The following NGFR variants were observed in gnomAD, a reference collection of about 807,000 sequenced individuals.
NGFR encodes nerve growth factor receptor.
Under a neutral mutation model 43.2 loss-of-function variants are expected in NGFR, and 30 were observed. That is an observed-to-expected ratio of 0.69 (90% CI 0.52 to 0.94). The LOEUF (loss-of-function observed/expected upper bound fraction) is 0.94, where lower values mean the gene tolerates loss of function less well. NGFR is among the 40% of genes least tolerant of loss of function. The pLI is 0.00. For synonymous variants in NGFR, 246 were observed against 259.6 expected (o/e 0.95, Z 0.50); for missense variants, 529 against 602.5 (o/e 0.88, Z 1.28).
intron 2 of NGFR, 122 bp downstream of exon 2, chr17:49,502,326 T>G (rs903073334): frequency 9.1e-7 from 1 of 1,096,540 alleles, no homozygotes; most frequent in South Asian, 2.0e-5. Context: ...CACTGTAAGG[T>G]CATCAGAAGT....
At chr17:49,506,755 G>C (rs1239401750) in intron 3 of NGFR, 97 bp downstream of exon 3, 1 of 1,210,432 alleles carries the variant, frequency 8.3e-7, no homozygotes, top group Non-Finnish European at 1.1e-6. Flanking sequence ...GACCCTGCCT[G>C]GCCTGCTGGG....
rs1200832478 is a variant in NGFR, at chr17:49,495,438, C to A, written c.21C>A (p.Gly7=). The stretch of plus-strand genomic sequence containing the variant: ...GGGCGATGGGGGCAGGTGCCACCGG[C>A]CGCGCCATGGACGGGCCGCGCCTGC... MGAGAT[G]RAMDGPRLLL... The change falls in exon 1 of 6, where the codon GGC becomes GGA. Residue 7 remains glycine (G), a synonymous_variant. Coordinates refer to ENST00000172229, the MANE Select transcript of NGFR (RefSeq NM_002507.4). This position sits in a 1 kb window ranked among gnomAD's most constrained non-coding sequence, Gnocchi z 6.4. The A allele has an allele frequency of 3.2e-6, 4 of 1,235,810 alleles. No homozygotes were observed. Among genetic ancestry groups the A allele is most frequent in the East Asian group, 6.3e-5 (2 of 31,770 alleles). The allele number at this position is 1,235,810 out of a possible 1,614,324, so 76.6% of individuals were successfully genotyped here. A position where few individuals can be genotyped will look rare whatever the true frequency, so the allele number is the denominator to read the frequency against.
rs139064482 is a variant in NGFR at position 49,512,579 on chromosome 17, T to C, written c.983-129T>C. 171 of 1,242,986 alleles carry C rather than the reference T, an allele frequency of 1.4e-4. No individual in the cohort carries two copies. The African/African-American group carries it at 2.4e-3, about 17-fold the overall frequency. 77.0% of individuals were successfully genotyped at this position (1,242,986 alleles called of 1,614,324 possible). On this transcript the variant is annotated intron_variant, in intron 5 of 5. Transcript: ENST00000172229. This position sits in a 1 kb window ranked among gnomAD's most constrained non-coding sequence, Gnocchi z 5.2. ...ACTTCCTGGTGCCCCACCCAGGACC[T>C]TGTCTTGGCCCCAGGCCTCCAGATG...
chr17:49,510,876 C>A, intron 4 of NGFR: 1 of 599,276 alleles, frequency 1.7e-6, no homozygotes, highest in African/African-American at 1.9e-5. Context: ...TCCTCTCCTG[C>A]CCTGTCCTGG....
chr17:49,502,018 C>CCCCCCACA, intron 1 of NGFR, 45 bp from the exon 2 acceptor site: 2 of 1,320,358 alleles, frequency 1.5e-6, no homozygotes, highest in East Asian at 2.7e-5. Flanking sequence ...CAACCCACCC[C>CCCCCCACA]AGCTTTCTCT....
At chr17:49,502,018 C>CCCCCCCCCCAA in intron 1 of NGFR, 45 bp from the exon 2 acceptor site, 1 of 1,320,364 alleles carries the variant, frequency 7.6e-7, no homozygotes, top group Non-Finnish European at 1.0e-6. Context: ...CAACCCACCC[C>CCCCCCCCCCAA]AGCTTTCTCT....
intron 1 of NGFR, 45 bp from the exon 2 acceptor site, chr17:49,502,018 C>CCCCCCCAG: frequency 1.5e-6 from 2 of 1,320,356 alleles, no homozygotes; most frequent in Non-Finnish European, 2.0e-6. Flanking sequence ...CAACCCACCC[C>CCCCCCCAG]AGCTTTCTCT....
intron 4 of NGFR, chr17:49,510,932 A>C: frequency 8.7e-6 from 4 of 460,130 alleles, no homozygotes; most frequent in South Asian, 5.3e-5. Context: ...CTGACTCCCC[A>C]CCCCCAACTG....
Position 49,513,149 on chromosome 17 carries a change from A to C in NGFR, c.*140A>C. The C allele has an allele frequency of 3.3e-6, 3 of 909,618 alleles. No individual in the cohort carries two copies. The highest frequency in any genetic ancestry group is 4.8e-6 in the Non-Finnish European group (3 of 623,010). 56.3% of individuals were successfully genotyped at this position (909,618 alleles called of 1,614,324 possible). ...TCCTCTGGGCAGGACCTCAGAGTCC[A>C]GGCCCCAAAACCACAGCCCTGTCAG... On this transcript the variant is annotated 3_prime_UTR_variant, in exon 6 of 6. Coordinates refer to ENST00000172229, the MANE Select transcript of NGFR (RefSeq NM_002507.4).
chr17:49,508,727 C>T (rs557122721), intron 3 of NGFR, among the ~76,000 whole-genome samples: 13 of 152,284 alleles, frequency 8.5e-5, no homozygotes, highest in East Asian at 1.9e-4. Flanking sequence ...TGCTAGTGGA[C>T]GTGGCCACAT....
At chr17:49,502,000 A>AGGGGGCCCCCCCCCCCC in intron 1 of NGFR, 63 bp from the exon 2 acceptor site, 2 of 264,886 alleles carry the variant, frequency 7.6e-6, no homozygotes, top group Non-Finnish European at 1.6e-5. Flanking sequence ...CCCCGGAAGA[A>AGGGGGCCCCCCCCCCCC]CCCCCCCCAA....
At position 49,513,574 on chromosome 17, in the gene NGFR, C is replaced by T. The variant is rs2071249397; in HGVS notation, c.*565C>T. The T allele has an allele frequency of 6.5e-6, 1 of 153,208 alleles. No homozygotes were observed. Among genetic ancestry groups the T allele is most frequent in the Non-Finnish European group, 1.5e-5 (1 of 68,782 alleles). 9.5% of individuals were successfully genotyped at this position (153,208 alleles called of 1,614,324 possible). ...TGGGAGGGGTTTTCGAAGCTCAGCCCACCCCCCTCATTTTGGATATAGGTC... is the reference window on the plus strand; with the variant it reads ...TGGGAGGGGTTTTCGAAGCTCAGCCTACCCCCCTCATTTTGGATATAGGTC... On this transcript the variant is annotated 3_prime_UTR_variant, in exon 6 of 6. Transcript: ENST00000172229.
At position 49,513,274 on chromosome 17, in the gene NGFR, T is replaced by C; in HGVS notation, c.*265T>C. 2.1e-6 allele frequency: 1 copy of C among 476,936 alleles called. No individual in the cohort carries two copies. The highest frequency in any genetic ancestry group is 3.7e-5 in the South Asian group (1 of 26,700). The allele number at this position is 476,936 out of a possible 1,614,324, so 29.5% of individuals were successfully genotyped here. On this transcript the variant is annotated 3_prime_UTR_variant, in exon 6 of 6. Transcript: ENST00000172229. ...ACCCTGCCCCTGCCCCGTCACCATC[T>C]CAGGCCACCTGCCCCCTTCTCCCAC...
Position 49,506,331 on chromosome 17 carries a change from G to A in NGFR, c.241G>A (p.Glu81Lys). Residue 81 changes from glutamate (E) to lysine (K), a missense_variant, in exon 3 of 6, where the codon GAG (glutamate) becomes AAG (lysine). Coordinates refer to ENST00000172229, the MANE Select transcript of NGFR (RefSeq NM_002507.4). The part of the protein sequence containing the change: ...VTFSDVVSAT[E>K]PCKPCTECVG... ...GTTCTCCGACGTGGTGAGCGCGACCGAGCCGTGCAAGCCGTGCACCGAGTG... is the reference window on the plus strand; with the variant it reads ...GTTCTCCGACGTGGTGAGCGCGACCAAGCCGTGCAAGCCGTGCACCGAGTG... The A allele has an allele frequency of 6.3e-7, 1 of 1,578,640 alleles. No homozygotes were observed. The highest frequency in any genetic ancestry group is 8.6e-7 in the Non-Finnish European group (1 of 1,163,306).
At chr17:49,508,279 C>T (rs1231251051) in intron 3 of NGFR, among the ~76,000 whole-genome samples, 2 of 152,228 alleles carry the variant, frequency 1.3e-5, no homozygotes, top group East Asian at 1.9e-4. Context: ...GACTTGGGGG[C>T]GCTGCTAGAG....
chr17:49,498,234 G>C (rs906354038), intron 1 of NGFR, among the ~76,000 whole-genome samples: 5 of 152,110 alleles, frequency 3.3e-5, no homozygotes, highest in African/African-American at 4.8e-5. Flanking sequence ...AGGAGTCGTG[G>C]CTCTGAGAGA....
In NGFR at chr17:49,510,644, G is replaced by T; in HGVS notation, c.801G>T (p.Val267=). 6.2e-7 allele frequency: 1 copy of T among 1,613,836 alleles called. No homozygotes were observed. Among genetic ancestry groups the T allele is most frequent in the Non-Finnish European group, 8.5e-7 (1 of 1,179,892 alleles). ...TGGCTGCTGTGGTTGTGGGCCTTGT[G>T]GCCTACATAGCCTTCAAGAGGTAAG... ...SILAAVVVGL[V]AYIAFKRWNS... The change falls in exon 4 of 6, where the codon GTG becomes GTT. Residue 267 remains valine, a synonymous_variant. Transcript: ENST00000172229.
At chr17:49,496,788 G>A (rs1383672037) in intron 1 of NGFR, 2 of 152,238 alleles carry the variant, frequency 1.3e-5, no homozygotes, top group African/African-American at 4.8e-5. Flanking sequence ...GCGCCCGGAC[G>A]CCTCGGATTC....
rs545525397 is a variant in NGFR at position 49,510,841 on chromosome 17, G to A, written c.821+177G>A. ...GCAGCAGGTCAGCAGGAGGTGAGGG[G>A]AGAGGATCCACCTGTCCTGTCCTGT... On this transcript the variant is annotated intron_variant, in intron 4 of 5. Coordinates refer to ENST00000172229, the MANE Select transcript of NGFR (RefSeq NM_002507.4). The A allele has an allele frequency of 2.4e-4, 179 of 738,186 alleles. 2 individuals carry two copies. In the African/African-American group the frequency reaches 2.6e-3, roughly 11 times the overall value. 45.7% of individuals were successfully genotyped at this position (738,186 alleles called of 1,614,324 possible). A position where few individuals can be genotyped will look rare whatever the true frequency, so the allele number is the denominator to read the frequency against.
Sources: gnomAD v4.1 joint callset for allele counts (sites outside exome capture counted in the v4.1 genomes callset) on GRCh38, gnomAD v4.1.1 for gene constraint, Gnocchi (gnomAD v3.1) non-coding constraint, MANE v1.5 for transcripts, NCBI Gene and HGNC (gene_info 2026-07-23, HGNC 2026-07-21) for gene names.